Variants in GPC4 observed in about 807,000 individuals in gnomAD.
GPC4 encodes glypican 4.
GPC4 carries 10 observed loss-of-function variants against 35.0 expected under a neutral mutation model. The observed-to-expected ratio is 0.29, with a 90% confidence interval of 0.18 to 0.48. The LOEUF (loss-of-function observed/expected upper bound fraction) is 0.48. Ranked by LOEUF, GPC4 falls within the 20% of genes least tolerant of loss-of-function variation. The probability of loss-of-function intolerance (pLI) is 0.99; values close to 1 mark genes in which losing one functional copy is unlikely to be tolerated. For missense variants in GPC4, 322 were observed against 451.3 expected (o/e 0.71, Z 2.60); for synonymous variants, 167 against 170.2 (o/e 0.98, Z 0.15).
chrX:133,350,222 A>G (rs1018158229), intron 1 of GPC4, among the ~76,000 whole-genome samples: 5 of 111,722 alleles, frequency 4.5e-5, no homozygotes, highest in Non-Finnish European at 9.4e-5. Flanking sequence ...ACTTCCTCAC[A>G]TAAAGAAAAA....
At chrX:133,338,264 G>A (rs901615713) in intron 2 of GPC4, among the ~76,000 whole-genome samples, 2 of 111,402 alleles carry the variant, frequency 1.8e-5, no homozygotes, top group Non-Finnish European at 3.8e-5. Flanking sequence ...AATTTGTCTT[G>A]TACTTCTTCA....
intron 1 of GPC4, among the ~76,000 whole-genome samples, chrX:133,342,466 A>G (rs1657646614): frequency 8.9e-6 from 1 of 112,231 alleles, no homozygotes; most frequent in Non-Finnish European, 1.9e-5. Context: ...ATACTTGGCT[A>G]ATGTTTCTGC....
chrX:133,405,157 A>C (rs1348333211), intron 1 of GPC4, among the ~76,000 whole-genome samples: 4 of 94,356 alleles, frequency 4.2e-5, no homozygotes, highest in Non-Finnish European at 8.1e-5. Flanking sequence ...TGCCCAAGCT[A>C]GAGTGCAATG....
chrX:133,390,063 C>T (rs1220087185), intron 1 of GPC4, among the ~76,000 whole-genome samples: 1 of 110,740 alleles, frequency 9.0e-6, no homozygotes, highest in Non-Finnish European at 1.9e-5. Context: ...GCATGTTCTT[C>T]CCAGTGCGCA....
chrX:133,401,283 A>G (rs965809270), intron 1 of GPC4, among the ~76,000 whole-genome samples: 6 of 111,482 alleles, frequency 5.4e-5, no homozygotes, highest in Admixed American at 3.8e-4. Flanking sequence ...ATCTAAGTTT[A>G]AGAGAATACC....
intron 1 of GPC4, among the ~76,000 whole-genome samples, chrX:133,362,426 G>C (rs1193757407): frequency 1.8e-5 from 2 of 111,538 alleles, no homozygotes; most frequent in Non-Finnish European, 3.8e-5. Context: ...GTTAAGAATG[G>C]TTTTACAATT....
Position 133,300,380 on chromosome X carries a change from T to A in GPC4, c.*2487A>T, listed in dbSNP as rs1251421780. ...CTTTGTAAAACACAAGCCCTTCACA[T>A]GCTGTTAACTTTGGAAAAGTCAGGT... On this transcript the variant is annotated 3_prime_UTR_variant, in exon 9 of 9. Coordinates refer to ENST00000370828, the MANE Select transcript of GPC4 (RefSeq NM_001448.3). The A allele has an allele frequency of 8.9e-6, 1 of 112,407 alleles. No homozygotes were observed. Among genetic ancestry groups the A allele is most frequent in the Non-Finnish European group, 1.9e-5 (1 of 53,338 alleles). The allele number at this position is 112,407 out of a possible 1,213,427, so 9.3% of individuals were successfully genotyped here.
At chrX:133,374,575 G>A (rs1324689548) in intron 1 of GPC4, among the ~76,000 whole-genome samples, 1 of 111,867 alleles carries the variant, frequency 8.9e-6, no homozygotes, top group African/African-American at 3.2e-5. Context: ...ACAAGACCTC[G>A]TGAGTTGATC....
Position 133,305,814 on chromosome X carries a change from C to A in GPC4, c.1113G>T (p.Glu371Asp). 1 of 1,211,893 alleles carries A rather than the reference C, an allele frequency of 8.3e-7. No homozygotes were observed. Among genetic ancestry groups the A allele is most frequent in the Non-Finnish European group, 1.1e-6 (1 of 895,565 alleles). Residue 371 changes from glutamate (E) to aspartate (D), a missense_variant, in exon 6 of 9, where the codon GAG (glutamate) becomes GAT (aspartate). By Grantham distance (45) the Glu-to-Asp change is conservative. Transcript: ENST00000370828. Reference protein sequence around the residue: ...FSARFRPHHPEERPTTAAGTS... With the variant: ...FSARFRPHHPDERPTTAAGTS... The stretch of plus-strand genomic sequence containing the variant: ...TGCCAGCTGCTGTGGTTGGGCGTTC[C>A]TCGGGGTGATGTGGTCTGAAGCGAG...
At chrX:133,331,033 A>C (rs368554258) in intron 2 of GPC4, among the ~76,000 whole-genome samples, 15 of 111,934 alleles carry the variant, frequency 1.3e-4, no homozygotes, top group African/African-American at 3.9e-4. Flanking sequence ...TCTTATTAGG[A>C]GCTATTAGCA....
At chrX:133,319,054 T>C (rs1038036688) in intron 3 of GPC4, among the ~76,000 whole-genome samples, 3 of 112,281 alleles carry the variant, frequency 2.7e-5, no homozygotes, top group African/African-American at 6.5e-5. Context: ...ACCCCTTTGC[T>C]GCAAAAGTAA....
At chrX:133,306,414 G>A (rs892557439) in intron 4 of GPC4, among the ~76,000 whole-genome samples, 1 of 111,240 alleles carries the variant, frequency 9.0e-6, no homozygotes, top group South Asian at 3.8e-4. Context: ...ACCCAATCAG[G>A]AACTTTCCTC....
intron 2 of GPC4, among the ~76,000 whole-genome samples, chrX:133,332,561 G>C (rs2068425668): frequency 9.0e-6 from 1 of 111,252 alleles, no homozygotes; most frequent in African/African-American, 3.3e-5. Flanking sequence ...CACCACATCT[G>C]GCTAATTTTT....
chrX:133,322,916 T>C (rs1027466597), intron 3 of GPC4, among the ~76,000 whole-genome samples: 6 of 111,804 alleles, frequency 5.4e-5, no homozygotes, highest in Non-Finnish European at 9.4e-5. Flanking sequence ...GTTTCTTCCC[T>C]GGTATTGACT....
In GPC4 at chrX:133,354,568, A is replaced by ATTAT. The variant is rs1556030426; in HGVS notation, c.161-15228_161-15227insATAA. ...TATTTATTTATTTATTTATTTATTT[A>ATTAT]TTTTTTTTTTTGAGACGGAGTCTCG... On this transcript the variant is annotated intron_variant, in intron 1 of 8. Coordinates refer to ENST00000370828, the MANE Select transcript of GPC4 (RefSeq NM_001448.3). 1.5e-3 allele frequency among the ~76,000 whole-genome samples: 147 copies of ATTAT among 95,200 alleles called. 2 individuals are homozygous for ATTAT. Among genetic ancestry groups the ATTAT allele is most frequent in the African/African-American group, 5.6e-3 (134 of 23,764 alleles). 82.7% of individuals were successfully genotyped at this position (95,200 alleles called of 115,157 possible). A position where few individuals can be genotyped will look rare whatever the true frequency, so the allele number is the denominator to read the frequency against.
chrX:133,303,451 AGAG>A, intron 7 of GPC4, 110 bp from the exon 8 acceptor site: 1 of 613,422 alleles, frequency 1.6e-6, no homozygotes, highest in Non-Finnish European at 2.5e-6. Context: ...AGATTATACA[AGAG>A]GTTATCAAAT....
chrX:133,376,962 G>C (rs1209147683), intron 1 of GPC4, among the ~76,000 whole-genome samples: 1 of 111,863 alleles, frequency 8.9e-6, no homozygotes, highest in Non-Finnish European at 1.9e-5. Flanking sequence ...TGGACAAGCA[G>C]AACAGCTTGG....
chrX:133,399,226 A>G (rs1296744101), intron 1 of GPC4, among the ~76,000 whole-genome samples: 1 of 112,081 alleles, frequency 8.9e-6, no homozygotes, highest in African/African-American at 3.2e-5. Context: ...ACCTTTCATA[A>G]AAGCCTAAAG....
At position 133,324,549 on chromosome X, in the gene GPC4, CCAAAA is replaced by C; in HGVS notation, c.320-18_320-14del. On this transcript the variant is annotated splice_polypyrimidine_tract_variant and intron_variant, in intron 2 of 8. Coordinates refer to ENST00000370828, the MANE Select transcript of GPC4 (RefSeq NM_001448.3). ...TCTTTGAAGAATTCTGAAACCAACA[CCAAAA>C]AAAAAAAAAAAAAAAGGAAAAACGA... 3.8e-6 allele frequency: 3 copies of C among 794,746 alleles called. No homozygotes were observed. Among genetic ancestry groups the C allele is most frequent in the South Asian group, 6.0e-5 (1 of 16,763 alleles). The allele number at this position is 794,746 out of a possible 1,213,427, so 65.5% of individuals were successfully genotyped here. A position where few individuals can be genotyped will look rare whatever the true frequency, so the allele number is the denominator to read the frequency against.
Sources: allele counts gnomAD v4.1 joint callset (sites outside exome capture counted in the v4.1 genomes callset), GRCh38; gene constraint gnomAD v4.1.1; transcripts MANE v1.5; gene names NCBI Gene and HGNC (gene_info 2026-07-23, HGNC 2026-07-21).